GRID1: variants seen among roughly 807,000 people sequenced by gnomAD.
The protein encoded by GRID1 is glutamate ionotropic receptor delta type subunit 1.
GRID1 carries 28 observed loss-of-function variants against 98.0 expected under a neutral mutation model. The observed-to-expected ratio is 0.29, with a 90% CI of 0.21 to 0.39. The LOEUF is 0.39. GRID1 is among the 10% of genes least tolerant of loss of function. The pLI is 1.00. For synonymous variants in GRID1, 553 were observed against 538.5 expected (o/e 1.03, Z -0.37); for missense variants, 1,111 against 1,340.5 (o/e 0.83, Z 2.67).
chr10:86,240,503 A>G (rs1846610994), intron 2 of GRID1, among the ~76,000 whole-genome samples: 1 of 147,408 alleles, frequency 6.8e-6, no homozygotes, highest in African/African-American at 2.5e-5. Flanking sequence ...GCAGCAGGTC[A>G]GTGAAGCAGG....
chr10:86,242,121 C>T (rs1846646281), intron 2 of GRID1, among the ~76,000 whole-genome samples: 2 of 152,220 alleles, frequency 1.3e-5, no homozygotes, highest in African/African-American at 4.8e-5. Context: ...CACAGTGGAA[C>T]CTCATGGAAA....
At chr10:85,756,525 C>T (rs921711854) in intron 8 of GRID1, among the ~76,000 whole-genome samples, 5 of 152,090 alleles carry the variant, frequency 3.3e-5, no homozygotes, top group Non-Finnish European at 5.9e-5. Flanking sequence ...ACAAAGTGAC[C>T]GACTGGTAGG....
intron 5 of GRID1, among the ~76,000 whole-genome samples, chr10:85,914,781 A>G (rs1161213724): frequency 6.6e-6 from 1 of 152,248 alleles, no homozygotes; most frequent in African/African-American, 2.4e-5. Flanking sequence ...ATAAACCTGC[A>G]TCTTCCAGAA....
chr10:85,710,323 G>A (rs1267348807), intron 12 of GRID1, among the ~76,000 whole-genome samples: 1 of 152,080 alleles, frequency 6.6e-6, no homozygotes, highest in Non-Finnish European at 1.5e-5. Flanking sequence ...ACCCTCTTGG[G>A]TATGGTCAAA....
intron 4 of GRID1, among the ~76,000 whole-genome samples, chr10:85,947,870 C>G (rs943903894): frequency 2.0e-5 from 3 of 152,316 alleles, no homozygotes; most frequent in African/African-American, 7.2e-5. Flanking sequence ...CAAAGGAGAG[C>G]ATCTTGGATA....
chr10:85,620,331 A>G (rs896606082), intron 13 of GRID1, among the ~76,000 whole-genome samples: 2 of 152,194 alleles, frequency 1.3e-5, no homozygotes, highest in African/African-American at 4.8e-5. Context: ...TCACAGTGCT[A>G]TGGGCCTATG....
intron 3 of GRID1, among the ~76,000 whole-genome samples, chr10:86,177,633 T>C (rs546008991): frequency 1.3e-5 from 2 of 150,786 alleles, no homozygotes; most frequent in East Asian, 2.0e-4. Context: ...AAAGAGACTT[T>C]AGCATGTGTA....
chr10:85,907,199 C>T (rs956178366), intron 5 of GRID1, among the ~76,000 whole-genome samples: 3 of 152,204 alleles, frequency 2.0e-5, no homozygotes, highest in African/African-American at 7.2e-5. Context: ...GCAACCTCCA[C>T]CTCCAGGGTT....
At chr10:85,942,057 T>C (rs1842002960) in intron 4 of GRID1, among the ~76,000 whole-genome samples, 1 of 152,206 alleles carries the variant, frequency 6.6e-6, no homozygotes. Flanking sequence ...CTTCAGGATC[T>C]ATCCCAACTA....
At chr10:85,761,798 C>T (rs1257876438) in intron 8 of GRID1, among the ~76,000 whole-genome samples, 2 of 152,106 alleles carry the variant, frequency 1.3e-5, no homozygotes, top group African/African-American at 4.8e-5. Flanking sequence ...AGTCCCTATG[C>T]CATGCTCCCC....
intron 4 of GRID1, among the ~76,000 whole-genome samples, chr10:85,933,970 C>T (rs1400452030): frequency 6.6e-6 from 1 of 152,192 alleles, no homozygotes; most frequent in African/African-American, 2.4e-5. Context: ...GAGATCTGAG[C>T]TCCTTCAACA....
intron 4 of GRID1, 59 bp downstream of exon 4, chr10:86,138,760 C>A: frequency 7.1e-7 from 1 of 1,400,244 alleles, no homozygotes; most frequent in Non-Finnish European, 1.0e-6. Context: ...CCCACCTGAA[C>A]CATCTTCTGC....
intron 3 of GRID1, among the ~76,000 whole-genome samples, chr10:86,171,556 A>T (rs1845487999): frequency 1.3e-5 from 2 of 152,230 alleles, no homozygotes; most frequent in Admixed American, 1.3e-4. Context: ...AGGCGTTCAC[A>T]TAAGTCCCAT....
intron 2 of GRID1, among the ~76,000 whole-genome samples, chr10:86,259,932 T>C (rs949342951): frequency 2.4e-4 from 37 of 152,234 alleles, no homozygotes; most frequent in African/African-American, 8.7e-4. Flanking sequence ...GATTTCTCAC[T>C]GGGGAAGCAC....
chr10:86,047,591 T>C (rs1843441737), intron 4 of GRID1, among the ~76,000 whole-genome samples: 1 of 152,084 alleles, frequency 6.6e-6, no homozygotes, highest in Admixed American at 6.5e-5. Flanking sequence ...CAAATTGTTA[T>C]GAAGTAAACA....
intron 8 of GRID1, among the ~76,000 whole-genome samples, chr10:85,825,348 C>G (rs1285780389): frequency 6.7e-6 from 1 of 149,562 alleles, no homozygotes; most frequent in African/African-American, 2.4e-5. Context: ...TGAAAAGTGT[C>G]TATTCATGTC....
chr10:85,926,093 C>T (rs1194377858), intron 4 of GRID1, among the ~76,000 whole-genome samples: 5 of 152,110 alleles, frequency 3.3e-5, no homozygotes, highest in African/African-American at 1.2e-4. Flanking sequence ...GAGATATAAG[C>T]TTCTTCTACC....
intron 15 of GRID1, among the ~76,000 whole-genome samples, chr10:85,612,647 G>A (rs1035964516): frequency 6.6e-6 from 1 of 151,854 alleles, no homozygotes; most frequent in Non-Finnish European, 1.5e-5. Flanking sequence ...AGTTTCTGCT[G>A]GCAAAGCATC....
intron 8 of GRID1, among the ~76,000 whole-genome samples, chr10:85,743,389 T>C (rs959205449): frequency 9.2e-5 from 14 of 152,168 alleles, no homozygotes; most frequent in African/African-American, 3.4e-4. Context: ...ATTTCTGACA[T>C]ACAGAATCCA....
Sources: allele counts gnomAD v4.1 joint callset (sites outside exome capture counted in the v4.1 genomes callset), GRCh38; gene constraint gnomAD v4.1.1; transcripts MANE v1.5; gene names NCBI Gene and HGNC (gene_info 2026-07-23, HGNC 2026-07-21).